GRID2: variants seen among roughly 807,000 people sequenced by gnomAD.
GRID2 encodes the protein glutamate receptor ionotropic, delta-2.
GRID2 carries 33 observed loss-of-function variants against 114.8 expected under a neutral mutation model. That is an observed-to-expected ratio of 0.29 (90% confidence interval 0.22 to 0.38). The LOEUF is 0.38. Ranked by LOEUF, GRID2 falls within the 10% of genes least tolerant of loss-of-function variation. GRID2 has a pLI of 1.00. For missense variants in GRID2, 1,184 were observed against 1,257.7 expected (o/e 0.94, Z 0.89); for synonymous variants, 505 against 449.9 (o/e 1.12, Z -1.55).
chr4:93,286,463 C>T (rs1183302552), intron 8 of GRID2, among the ~76,000 whole-genome samples: 1 of 152,080 alleles, frequency 6.6e-6, no homozygotes, highest in African/African-American at 2.4e-5. Context: ...CTGCATACTC[C>T]TTCCAGGGTT....
intron 13 of GRID2, among the ~76,000 whole-genome samples, chr4:93,526,483 A>C (rs1730913367): frequency 6.6e-6 from 1 of 152,226 alleles, no homozygotes; most frequent in Admixed American, 6.5e-5. Context: ...TACCTCCATT[A>C]ATAGCAGAGT....
In GRID2 at chr4:93,264,683, C is replaced by A. The variant is rs374948642; in HGVS notation, c.1245+26193C>A. Reference sequence around the variant, plus strand: ...CTCATTATTGGTCCTGAGTCCCCCACAAGGAGTTATGTTTGAGTTTTGAAT... The same window carrying A: ...CTCATTATTGGTCCTGAGTCCCCCAAAAGGAGTTATGTTTGAGTTTTGAAT... On this transcript the variant is annotated intron_variant, in intron 8 of 15. Transcript: ENST00000282020. 1.2e-3 allele frequency among the ~76,000 whole-genome samples: 164 copies of A among 133,672 alleles called. 3 individuals are homozygous for A. The highest frequency in any genetic ancestry group is 4.9e-3 in the African/African-American group (162 of 33,280). 87.7% of individuals were successfully genotyped at this position (133,672 alleles called of 152,430 possible).
rs1042545134 is a variant in GRID2 at position 92,961,462 on chromosome 4, TTGA to T, written c.245-123528_245-123526del. 2.3e-4 allele frequency among the ~76,000 whole-genome samples: 35 copies of T among 151,720 alleles called. 1 individual carries two copies. The South Asian group carries it at 5.6e-3, about 24-fold the overall frequency. ...ATTTCACAGGTTACAGAATTTTAGG[TTGA>T]TGATATTTTCCTCTTAATATTAAAT... is the stretch of plus-strand genomic sequence containing the variant. On this transcript the variant is annotated intron_variant, in intron 2 of 15. Transcript: ENST00000282020.
At chr4:93,801,314 A>G (rs955874604) in intron 1 of GRID2, among the ~76,000 whole-genome samples, 2 of 152,062 alleles carry the variant, frequency 1.3e-5, no homozygotes, top group African/African-American at 2.4e-5. Context: ...ATTATTTAAA[A>G]TTGAGTTTAA....
chr4:92,763,254 G>C (rs79795009), intron 2 of GRID2, among the ~76,000 whole-genome samples: 1 of 152,082 alleles, frequency 6.6e-6, no homozygotes, highest in Non-Finnish European at 1.5e-5. Context: ...CCTAAGTGCT[G>C]GGTATACATT....
intron 8 of GRID2, among the ~76,000 whole-genome samples, chr4:93,383,783 T>C (rs1486363846): frequency 6.6e-6 from 1 of 152,080 alleles, no homozygotes; most frequent in Non-Finnish European, 1.5e-5. Flanking sequence ...CCAGCCTTTT[T>C]TTATTTCTTT....
At chr4:92,606,185 T>A (rs1026549544) in intron 2 of GRID2, among the ~76,000 whole-genome samples, 2 of 149,816 alleles carry the variant, frequency 1.3e-5, no homozygotes, top group African/African-American at 4.9e-5. Flanking sequence ...TGTACACTTG[T>A]ACAAAAGAGC....
intron 13 of GRID2, among the ~76,000 whole-genome samples, chr4:93,577,592 T>C (rs1159446580): frequency 6.6e-6 from 1 of 152,208 alleles, no homozygotes; most frequent in African/African-American, 2.4e-5. Context: ...TTGGTGCATA[T>C]TTATTCATGG....
At chr4:93,735,714 T>C (rs1730868460) in intron 14 of GRID2, among the ~76,000 whole-genome samples, 3 of 152,070 alleles carry the variant, frequency 2.0e-5, no homozygotes, top group Admixed American at 6.6e-5. Context: ...AATAATGTTT[T>C]CTTCTGTATT....
intron 14 of GRID2, among the ~76,000 whole-genome samples, chr4:93,656,857 A>AAAAAAAAAAC (rs1553973735): frequency 2.1e-5 from 2 of 93,802 alleles, no homozygotes; most frequent in Non-Finnish European, 2.6e-5. Context: ...AAAAAAAAAA[A>AAAAAAAAAAC]CAAATAATTC....
At chr4:93,694,229 C>T (rs1033994236) in intron 14 of GRID2, among the ~76,000 whole-genome samples, 5 of 152,198 alleles carry the variant, frequency 3.3e-5, no homozygotes, top group African/African-American at 1.2e-4. Context: ...CTCTCCCAAA[C>T]ACTGCTATGG....
chr4:92,566,312 C>T (rs1285724546), intron 1 of GRID2, among the ~76,000 whole-genome samples: 1 of 151,596 alleles, frequency 6.6e-6, no homozygotes, highest in Non-Finnish European at 1.5e-5. Flanking sequence ...GAAAATGATG[C>T]CCCAGAGTCA....
chr4:92,684,679 A>G (rs1402089617), intron 2 of GRID2, among the ~76,000 whole-genome samples: 3 of 152,054 alleles, frequency 2.0e-5, no homozygotes, highest in African/African-American at 4.8e-5. Flanking sequence ...ATGTCTGTGA[A>G]CAAGACATGT....
At chr4:93,227,730 T>G (rs1279768829) in intron 7 of GRID2, among the ~76,000 whole-genome samples, 1 of 152,254 alleles carries the variant, frequency 6.6e-6, no homozygotes, top group Non-Finnish European at 1.5e-5. Flanking sequence ...TCTAGTTCAT[T>G]GCCCCTAAGT....
chr4:92,757,264 A>G (rs1214399974), intron 2 of GRID2, among the ~76,000 whole-genome samples: 3 of 152,086 alleles, frequency 2.0e-5, no homozygotes, highest in Non-Finnish European at 1.5e-5. Context: ...TTTCACACAG[A>G]TCAATGAACA....
intron 2 of GRID2, among the ~76,000 whole-genome samples, chr4:93,059,512 C>T (rs1443982484): frequency 6.6e-6 from 1 of 152,090 alleles, no homozygotes; most frequent in East Asian, 1.9e-4. Context: ...TGTCAAGTGT[C>T]ACCTGGGGGA....
At chr4:93,062,757 A>G (rs1427209300) in intron 2 of GRID2, among the ~76,000 whole-genome samples, 5 of 152,036 alleles carry the variant, frequency 3.3e-5, no homozygotes, top group Non-Finnish European at 7.4e-5. Flanking sequence ...TTGAAAGGGA[A>G]CGAAGTTGAC....
At chr4:92,729,352 C>G (rs1286062131) in intron 2 of GRID2, among the ~76,000 whole-genome samples, 1 of 151,974 alleles carries the variant, frequency 6.6e-6, no homozygotes, top group Non-Finnish European at 1.5e-5. Context: ...CCCAATATAA[C>G]TATATTGGCA....
chr4:93,598,429 G>T (rs1739330932), intron 13 of GRID2, among the ~76,000 whole-genome samples: 1 of 151,720 alleles, frequency 6.6e-6, no homozygotes, highest in South Asian at 2.1e-4. Flanking sequence ...TTTTTACTGT[G>T]CTAAGCACCA....
Sources: gnomAD v4.1 joint callset for allele counts (sites outside exome capture counted in the v4.1 genomes callset) on GRCh38, gnomAD v4.1.1 for gene constraint, MANE v1.5 for transcripts, NCBI Gene and HGNC (gene_info 2026-07-23, HGNC 2026-07-21) for gene names.